Variants in HS6ST3 observed in about 807,000 individuals in gnomAD.
HS6ST3 encodes heparan sulfate 6-O-sulfotransferase 3.
Under a neutral mutation model 36.7 loss-of-function variants are expected in HS6ST3, and 12 were observed. The observed-to-expected ratio is 0.33, with a 90% CI of 0.21 to 0.53. The LOEUF is 0.53. HS6ST3 is among the 20% of genes least tolerant of loss of function. The pLI is 0.95. For synonymous variants in HS6ST3, 240 were observed against 257.5 expected (o/e 0.93, Z 0.65); for missense variants, 584 against 640.9 (o/e 0.91, Z 0.96).
chr13:96,645,462 C>T (rs943792344), intron 1 of HS6ST3, among the ~76,000 whole-genome samples: 1 of 150,746 alleles, frequency 6.6e-6, no homozygotes, highest in Non-Finnish European at 1.5e-5. Context: ...TTCCTTTTAT[C>T]TAGTATCTGT....
At chr13:96,309,415 CTTATTTAT>C (rs2054929521) in intron 1 of HS6ST3, among the ~76,000 whole-genome samples, 1 of 152,092 alleles carries the variant, frequency 6.6e-6, no homozygotes, top group Non-Finnish European at 1.5e-5. Context: ...ATGGTGCTAG[CTTATTTAT>C]TTGAAATATT....
At chr13:96,713,849 AAAT>A (rs1429939793) in intron 1 of HS6ST3, among the ~76,000 whole-genome samples, 1 of 152,160 alleles carries the variant, frequency 6.6e-6, no homozygotes, top group Non-Finnish European at 1.5e-5. Flanking sequence ...AATAAAAAAT[AAAT>A]AATTACTGGA....
chr13:96,627,085 A>C (rs944563760), intron 1 of HS6ST3, among the ~76,000 whole-genome samples: 9 of 152,092 alleles, frequency 5.9e-5, no homozygotes, highest in Non-Finnish European at 1.5e-5. Flanking sequence ...TAAAAGAAAA[A>C]GTAATACAAG....
At chr13:96,468,362 A>G (rs994989936) in intron 1 of HS6ST3, among the ~76,000 whole-genome samples, 6 of 152,232 alleles carry the variant, frequency 3.9e-5, no homozygotes, top group Admixed American at 3.3e-4. Context: ...ATGAATTTGA[A>G]TAAGAGCACA....
intron 1 of HS6ST3, among the ~76,000 whole-genome samples, chr13:96,580,214 A>G (rs996241721): frequency 6.8e-6 from 1 of 146,698 alleles, no homozygotes; most frequent in Admixed American, 6.9e-5. Flanking sequence ...ATATATATAT[A>G]TATATATATA....
intron 1 of HS6ST3, among the ~76,000 whole-genome samples, chr13:96,180,607 T>G (rs917868654): frequency 1.3e-5 from 2 of 152,246 alleles, no homozygotes; most frequent in African/African-American, 4.8e-5. Context: ...TTAATTAATT[T>G]TGACATCAAA....
At position 96,327,461 on chromosome 13, in the gene HS6ST3, C is replaced by G. The variant is rs1464777526; in HGVS notation, c.707+235892C>G. ...AATCCTTTCCCCATTGCTTGTTTTTCTCAGGTTTGTCAAAGATCAGATAGT... is the reference window on the plus strand; with the variant it reads ...AATCCTTTCCCCATTGCTTGTTTTTGTCAGGTTTGTCAAAGATCAGATAGT... On this transcript the variant is annotated intron_variant, in intron 1 of 1. Transcript: ENST00000376705. 1.2e-3 allele frequency among the ~76,000 whole-genome samples: 186 copies of G among 151,750 alleles called. 4 individuals carry two copies. The highest frequency in any genetic ancestry group is 1.5e-3 in the Non-Finnish European group (104 of 67,904).
At chr13:96,220,078 G>A (rs1018090866) in intron 1 of HS6ST3, among the ~76,000 whole-genome samples, 15 of 152,102 alleles carry the variant, frequency 9.9e-5, no homozygotes, top group African/African-American at 2.9e-4. Flanking sequence ...TGTACCAGGC[G>A]GTTTTTTAGG....
At chr13:96,488,440 T>C (rs1234934261) in intron 1 of HS6ST3, among the ~76,000 whole-genome samples, 1 of 152,128 alleles carries the variant, frequency 6.6e-6, no homozygotes, top group Admixed American at 6.6e-5. Context: ...TTGTATTATA[T>C]ATCAAGGCAT....
At chr13:96,117,854 G>A (rs532356889) in intron 1 of HS6ST3, among the ~76,000 whole-genome samples, 4 of 151,770 alleles carry the variant, frequency 2.6e-5, no homozygotes, top group Non-Finnish European at 5.9e-5. Flanking sequence ...CCTCACTCAC[G>A]TGTACCTTAG....
At chr13:96,418,650 A>G (rs1195899876) in intron 1 of HS6ST3, among the ~76,000 whole-genome samples, 1 of 152,200 alleles carries the variant, frequency 6.6e-6, no homozygotes, top group Admixed American at 6.5e-5. Context: ...ATCAGCCACC[A>G]TGCCTTGTAA....
intron 1 of HS6ST3, among the ~76,000 whole-genome samples, chr13:96,111,883 T>C (rs1179286902): frequency 6.6e-6 from 1 of 152,198 alleles, no homozygotes; most frequent in African/African-American, 2.4e-5. Context: ...GTTTTCTGAA[T>C]GGAAGAAACC....
In HS6ST3 at chr13:96,838,499, A is replaced by T. The variant is rs1216462320; in HGVS notation, c.*5301A>T. On this transcript the variant is annotated 3_prime_UTR_variant, in exon 2 of 2. Coordinates refer to ENST00000376705, the MANE Select transcript of HS6ST3 (RefSeq NM_153456.4). ...CCCCATTGGTCACCAGAGCAACTGC[A>T]TGTCTTCAGGCTGGGTATTAGGGCT... 1 of 152,324 alleles carries T rather than the reference A, an allele frequency of 6.6e-6. No homozygotes were observed. The highest frequency in any genetic ancestry group is 1.5e-5 in the Non-Finnish European group (1 of 68,154). The allele number at this position is 152,324 out of a possible 1,614,324, so 9.4% of individuals were successfully genotyped here.
rs148864671 is a variant in HS6ST3 at position 96,185,976 on chromosome 13, A to G, written c.707+94407A>G. Among the ~76,000 whole-genome samples, 146 of 152,262 alleles carry G rather than the reference A, an allele frequency of 9.6e-4. 1 individual carries two copies. The highest frequency in any genetic ancestry group is 1.6e-3 in the Non-Finnish European group (112 of 68,022). On this transcript the variant is annotated intron_variant, in intron 1 of 1. Coordinates refer to ENST00000376705, the MANE Select transcript of HS6ST3 (RefSeq NM_153456.4). ...GGAGTAGGTCTAAATAAAGTTATAT[A>G]CTGTATGTTTATGTGTATGCATGGA...
chr13:96,637,018 AAG>A (rs1212334703), intron 1 of HS6ST3, among the ~76,000 whole-genome samples: 2 of 152,154 alleles, frequency 1.3e-5, no homozygotes, highest in African/African-American at 4.8e-5. Context: ...TTTAAAAAAA[AAG>A]AATACAAGTG....
chr13:96,580,153 A>G (rs1043177366), intron 1 of HS6ST3, among the ~76,000 whole-genome samples: 1 of 149,012 alleles, frequency 6.7e-6, no homozygotes, highest in Admixed American at 6.8e-5. Flanking sequence ...TTTTTTTCTT[A>G]TTCATTAATG....
intron 1 of HS6ST3, among the ~76,000 whole-genome samples, chr13:96,161,150 A>T (rs529624967): frequency 6.6e-6 from 1 of 152,202 alleles, no homozygotes; most frequent in Non-Finnish European, 1.5e-5. Context: ...TCTGCTTGAA[A>T]TATGGCAAGA....
chr13:96,441,577 T>G (rs2055671666), intron 1 of HS6ST3, among the ~76,000 whole-genome samples: 1 of 152,086 alleles, frequency 6.6e-6, no homozygotes, highest in Non-Finnish European at 1.5e-5. Context: ...AAAACTAATC[T>G]TAAAGGAAGC....
chr13:96,331,912 G>A (rs1404454492), intron 1 of HS6ST3, among the ~76,000 whole-genome samples: 2 of 152,212 alleles, frequency 1.3e-5, no homozygotes, highest in Non-Finnish European at 1.5e-5. Context: ...GGTCTGAAAA[G>A]CCAAATATTC....
Sources: allele counts gnomAD v4.1 joint callset (sites outside exome capture counted in the v4.1 genomes callset), GRCh38; gene constraint gnomAD v4.1.1; transcripts MANE v1.5; gene names NCBI Gene and HGNC (gene_info 2026-07-23, HGNC 2026-07-21).